Variants in GLIS3 observed in about 807,000 individuals in gnomAD.
GLIS3 encodes the protein GLIS family zinc finger 3.
GLIS3 carries 53 observed loss-of-function variants against 78.6 expected under a neutral mutation model. The observed-to-expected ratio is 0.67, with a 90% CI of 0.54 to 0.85. GLIS3 has a LOEUF of 0.85. GLIS3 is among the 40% of genes least tolerant of loss of function. The pLI is 0.00. For missense variants in GLIS3, 1,703 were observed against 1,231.1 expected (o/e 1.38, Z -5.74); for synonymous variants, 684 against 509.9 (o/e 1.34, Z -4.60).
At chr9:4,437,301 A>G in the GLIS3 span, among the ~76,000 whole-genome samples, 8 of 152,226 alleles carry the variant, frequency 5.3e-5, no homozygotes, top group Admixed American at 5.2e-4. Context: ...ACAAGGAAAT[A>G]AAAGACAGCA....
At chr9:4,434,193 G>C in the GLIS3 span, among the ~76,000 whole-genome samples, 1 of 151,726 alleles carries the variant, frequency 6.6e-6, no homozygotes, top group East Asian at 1.9e-4. Flanking sequence ...AACATTTAAT[G>C]TATATAGTTA....
At chr9:3,889,354 G>A (rs1490819907) in intron 7 of GLIS3, among the ~76,000 whole-genome samples, 1 of 152,194 alleles carries the variant, frequency 6.6e-6, no homozygotes, top group Non-Finnish European at 1.5e-5. Flanking sequence ...AGTGCCCTGG[G>A]AGACCTATGA....
chr9:4,004,699 A>C (rs1293194396), intron 4 of GLIS3, among the ~76,000 whole-genome samples: 1 of 152,228 alleles, frequency 6.6e-6, no homozygotes, highest in Non-Finnish European at 1.5e-5. Context: ...ATTAGCCCTA[A>C]AGTTTCATAG....
chr9:4,337,151 T>C (rs540042307), intron 2 of GLIS3, among the ~76,000 whole-genome samples: 21 of 152,378 alleles, frequency 1.4e-4, no homozygotes, highest in Admixed American at 8.5e-4. Context: ...GAAAGTAATT[T>C]GGCAACACAT....
chr9:4,435,876 G>A, the GLIS3 span, among the ~76,000 whole-genome samples: 120 of 152,322 alleles, frequency 7.9e-4, no homozygotes, highest in African/African-American at 2.7e-3. Flanking sequence ...ATAAACTCGG[G>A]AGGTGGAGCT....
chr9:4,370,891 C>T, the GLIS3 span, among the ~76,000 whole-genome samples: 1 of 151,886 alleles, frequency 6.6e-6, no homozygotes, highest in East Asian at 1.9e-4. Context: ...ATTAGTGAAA[C>T]CTCAGAAGGC....
chr9:4,051,401 C>G (rs1825738893), intron 4 of GLIS3, among the ~76,000 whole-genome samples: 2 of 152,128 alleles, frequency 1.3e-5, no homozygotes, highest in African/African-American at 4.8e-5. Flanking sequence ...GCTATAGTCT[C>G]AACATTTTCT....
chr9:4,082,632 C>A (rs896734171), intron 4 of GLIS3, among the ~76,000 whole-genome samples: 1 of 152,174 alleles, frequency 6.6e-6, no homozygotes, highest in East Asian at 1.9e-4. Flanking sequence ...AATAACTCTG[C>A]ATCAGAAGGA....
the GLIS3 span, among the ~76,000 whole-genome samples, chr9:4,465,604 T>C: frequency 6.6e-6 from 1 of 152,210 alleles, no homozygotes; most frequent in African/African-American, 2.4e-5. Flanking sequence ...CTGGATTTAT[T>C]TGTAAATCCA....
At chr9:3,878,574 AC>A (rs1489086321) in intron 8 of GLIS3, 1 of 152,112 alleles carries the variant, frequency 6.6e-6, no homozygotes, top group Non-Finnish European at 1.5e-5. Context: ...TGCCTATTCA[AC>A]CCATTATTTT....
In GLIS3 at chr9:4,273,691, T is replaced by C. The variant is rs545947857; in HGVS notation, c.388+12347A>G. On this transcript the variant is annotated intron_variant, in intron 2 of 10. Transcript: ENST00000381971. ...CCTCAGAAGTAAATGCCATTTTCTG[T>C]TCCACCATCTTACGTGTGCCAGAGA... Among the ~76,000 whole-genome samples the C allele has an allele frequency of 7.2e-5, 11 of 152,338 alleles. No homozygotes were observed. The East Asian group carries it at 2.1e-3, about 29-fold the overall frequency.
In GLIS3 at chr9:4,108,247, A is replaced by G. The variant is rs1161163988; in HGVS notation, c.1710+9521T>C. Among the ~76,000 whole-genome samples, 27 of 152,216 alleles carry G rather than the reference A, an allele frequency of 1.8e-4. 1 individual carries two copies. Among genetic ancestry groups the G allele is most frequent in the Admixed American group, 1.8e-3 (27 of 15,282 alleles). On this transcript the variant is annotated intron_variant, in intron 4 of 10. Coordinates refer to ENST00000381971, the MANE Select transcript of GLIS3 (RefSeq NM_001042413.2). ...AATACTTTCTTTCTCGTTAAAATGT[A>G]GATACCCTTGGGAGAGCCAGCACAC... is the stretch of plus-strand genomic sequence containing the variant.
intron 9 of GLIS3, among the ~76,000 whole-genome samples, chr9:3,842,002 G>A (rs1348570994): frequency 6.6e-6 from 1 of 152,182 alleles, no homozygotes; most frequent in Non-Finnish European, 1.5e-5. Flanking sequence ...GGTAAAGAAT[G>A]AAGATTTAAT....
At chr9:4,257,995 T>A (rs973357462) in intron 2 of GLIS3, among the ~76,000 whole-genome samples, 13 of 152,160 alleles carry the variant, frequency 8.5e-5, no homozygotes, top group African/African-American at 3.1e-4. Flanking sequence ...CAAGCTAATA[T>A]TATATAAAAA....
intron 2 of GLIS3, among the ~76,000 whole-genome samples, chr9:4,188,278 G>A (rs574563854): frequency 0.033 from 4,950 of 148,822 alleles, 280 homozygotes; most frequent in African/African-American, 0.12. Context: ...TCTTTGGTTC[G>A]TTTATATGCT....
At chr9:4,432,887 C>T in the GLIS3 span, among the ~76,000 whole-genome samples, 9 of 151,946 alleles carry the variant, frequency 5.9e-5, no homozygotes, top group African/African-American at 1.7e-4. Flanking sequence ...GTGAGCCACC[C>T]GCCTCATCCT....
intron 4 of GLIS3, among the ~76,000 whole-genome samples, chr9:3,958,951 T>C (rs539732773): frequency 6.6e-6 from 1 of 152,358 alleles, no homozygotes; most frequent in Admixed American, 6.5e-5. Context: ...GTGAGAAGTC[T>C]GGATTAATCT....
At chr9:4,370,713 T>G in the GLIS3 span, among the ~76,000 whole-genome samples, 1 of 151,352 alleles carries the variant, frequency 6.6e-6, no homozygotes, top group East Asian at 1.9e-4. Context: ...ATAAAATATA[T>G]TATTTTTAAT....
At chr9:4,269,942 G>C (rs1051630195) in intron 2 of GLIS3, among the ~76,000 whole-genome samples, 4 of 152,172 alleles carry the variant, frequency 2.6e-5, no homozygotes, top group African/African-American at 9.7e-5. Flanking sequence ...AACTGTCTTT[G>C]TTTAGTCCTT....
Sources: allele counts gnomAD v4.1 joint callset (sites outside exome capture counted in the v4.1 genomes callset), GRCh38; gene constraint gnomAD v4.1.1; transcripts MANE v1.5; gene names NCBI Gene and HGNC (gene_info 2026-07-23, HGNC 2026-07-21).